The following PDZRN4 variants were observed in gnomAD, a reference collection of about 807,000 sequenced individuals.
The protein encoded by PDZRN4 is PDZ domain containing ring finger 4, also known as PDZ domain-containing RING finger protein 4.
PDZRN4 carries 70 observed loss-of-function variants against 99.0 expected under a neutral mutation model. The observed-to-expected ratio is 0.71, with a 90% CI of 0.58 to 0.86. The LOEUF is 0.86. Ranked by LOEUF, PDZRN4 falls within the 40% of genes least tolerant of loss-of-function variation. PDZRN4 has a pLI of 0.00. For synonymous variants in PDZRN4, 551 were observed against 501.6 expected, an observed-to-expected ratio of 1.10 and a Z score of -1.32; for missense variants, 1,474 against 1,331.2, an observed-to-expected ratio of 1.11 and a Z score of -1.67.
intron 5 of PDZRN4, among the ~76,000 whole-genome samples, chr12:41,533,093 T>G (rs1230351002): frequency 1.3e-5 from 2 of 152,176 alleles, no homozygotes; most frequent in Non-Finnish European, 2.9e-5. Flanking sequence ...TCTGTCATTT[T>G]TTTTTCTACA....
In PDZRN4 at chr12:41,202,050, A is replaced by G. The variant is rs531420403; in HGVS notation, c.843+7862A>G. 3.3e-5 allele frequency among the ~76,000 whole-genome samples: 5 copies of G among 152,276 alleles called. No homozygotes were observed. The South Asian group carries it at 8.3e-4, about 25-fold the overall frequency. On this transcript the variant is annotated intron_variant, in intron 3 of 9. Coordinates refer to ENST00000402685, the MANE Select transcript of PDZRN4 (RefSeq NM_001164595.2). The stretch of plus-strand genomic sequence containing the variant: ...ATGTGCAGAGAATGGCACTGGACCA[A>G]TTATGAAATTGAACAAAAACATGAT...
At chr12:41,406,621 C>T (rs1232333413) in intron 3 of PDZRN4, among the ~76,000 whole-genome samples, 9 of 152,168 alleles carry the variant, frequency 5.9e-5, no homozygotes, top group Admixed American at 5.2e-4. Flanking sequence ...AGGCCCGGCA[C>T]GGTGGCTCAC....
chr12:41,288,364 G>A (rs146480547), intron 3 of PDZRN4, among the ~76,000 whole-genome samples: 124 of 152,254 alleles, frequency 8.1e-4, no homozygotes, highest in African/African-American at 2.8e-3. Context: ...GAAGTGTTTA[G>A]ACTGGCTCCG....
chr12:41,309,554 C>T (rs1951592959), intron 3 of PDZRN4, among the ~76,000 whole-genome samples: 1 of 152,118 alleles, frequency 6.6e-6, no homozygotes, highest in South Asian at 2.1e-4. Flanking sequence ...GTTTTCAACA[C>T]ATGCTTTTTT....
intron 3 of PDZRN4, among the ~76,000 whole-genome samples, chr12:41,396,916 G>A (rs543056777): frequency 7.2e-5 from 11 of 152,086 alleles, no homozygotes; most frequent in East Asian, 1.9e-4. Flanking sequence ...TGAGAATGTC[G>A]GGTATTCAAG....
At position 41,373,360 on chromosome 12, in the gene PDZRN4, A is replaced by G. The variant is rs573734458; in HGVS notation, c.844-133096A>G. ...AATAAGCCTGGGAGCGCTACAGGAG[A>G]CTGGGGCTTATTTCATCCCTACAGC... On this transcript the variant is annotated intron_variant, in intron 3 of 9. Coordinates refer to ENST00000402685, the MANE Select transcript of PDZRN4 (RefSeq NM_001164595.2). Among the ~76,000 whole-genome samples, 4 of 152,142 alleles carry G rather than the reference A, an allele frequency of 2.6e-5. No homozygotes were observed. The East Asian group carries it at 7.8e-4, about 30-fold the overall frequency.
chr12:41,335,728 A>G (rs1394880221), intron 3 of PDZRN4, among the ~76,000 whole-genome samples: 1 of 152,110 alleles, frequency 6.6e-6, no homozygotes, highest in East Asian at 1.9e-4. Context: ...TCAGGAAAAA[A>G]CACATAGAGT....
chr12:41,370,285 T>C (rs1177781216), intron 3 of PDZRN4, among the ~76,000 whole-genome samples: 1 of 151,978 alleles, frequency 6.6e-6, no homozygotes, highest in Non-Finnish European at 1.5e-5. Context: ...AGGCAACTTC[T>C]TGCATTTTGT....
At chr12:41,557,056 C>G (rs1939179628) in intron 7 of PDZRN4, among the ~76,000 whole-genome samples, 1 of 146,778 alleles carries the variant, frequency 6.8e-6, no homozygotes, top group African/African-American at 2.5e-5. Context: ...GAGGCTGAGG[C>G]AGGAGAATCG....
At chr12:41,197,430 T>A (rs1364617968) in intron 3 of PDZRN4, among the ~76,000 whole-genome samples, 2 of 152,158 alleles carry the variant, frequency 1.3e-5, no homozygotes, top group African/African-American at 4.8e-5. Context: ...TCACATAATA[T>A]AAGGCAAGTT....
At chr12:41,196,426 C>G (rs966744083) in intron 3 of PDZRN4, among the ~76,000 whole-genome samples, 7 of 152,042 alleles carry the variant, frequency 4.6e-5, no homozygotes, top group Admixed American at 6.6e-5. Context: ...AATGTGACCA[C>G]ATTTGCAGTT....
chr12:41,466,727 T>A (rs1303605688), intron 3 of PDZRN4, among the ~76,000 whole-genome samples: 1 of 149,528 alleles, frequency 6.7e-6, no homozygotes, highest in Non-Finnish European at 1.5e-5. Flanking sequence ...CCTGGTGTTT[T>A]CACAAATCCT....
rs11180868 is a variant in PDZRN4, at chr12:41,379,013, C to G, written c.844-127443C>G. On this transcript the variant is annotated intron_variant, in intron 3 of 9. Transcript: ENST00000402685. ...AAGGTGCTATATGGTTTGGGCTTTTCTTTCTTGGGAGGCTGTTGATTACCA... is the reference window on the plus strand; with the variant it reads ...AAGGTGCTATATGGTTTGGGCTTTTGTTTCTTGGGAGGCTGTTGATTACCA... Among the ~76,000 whole-genome samples, 580 of 152,204 alleles carry G rather than the reference C, an allele frequency of 3.8e-3. 19 individuals are homozygous for G. The East Asian group carries it at 0.091, about 24-fold the overall frequency.
At chr12:41,327,206 T>A (rs542093898) in intron 3 of PDZRN4, among the ~76,000 whole-genome samples, 2 of 152,300 alleles carry the variant, frequency 1.3e-5, no homozygotes, top group Admixed American at 1.3e-4. Flanking sequence ...TTTTTTTATT[T>A]CTCTCTCCCC....
At chr12:41,379,898 CT>C (rs1269763735) in intron 3 of PDZRN4, among the ~76,000 whole-genome samples, 1 of 151,830 alleles carries the variant, frequency 6.6e-6, no homozygotes, top group African/African-American at 2.4e-5. Context: ...CCACTGTTTC[CT>C]TATTGATTTT....
At chr12:41,458,357 A>C (rs1489082524) in intron 3 of PDZRN4, among the ~76,000 whole-genome samples, 1 of 152,180 alleles carries the variant, frequency 6.6e-6, no homozygotes, top group African/African-American at 2.4e-5. Context: ...GGGTTTCACC[A>C]CATCGGCCAG....
At chr12:41,290,763 C>T (rs142999038) in intron 3 of PDZRN4, among the ~76,000 whole-genome samples, 64 of 152,082 alleles carry the variant, frequency 4.2e-4, no homozygotes, top group South Asian at 2.1e-3. Context: ...AAGGAATAAC[C>T]GGTCATTTTT....
chr12:41,450,329 TCAGTGGCCCA>T (rs1952764323), intron 3 of PDZRN4, among the ~76,000 whole-genome samples: 1 of 152,140 alleles, frequency 6.6e-6, no homozygotes, highest in South Asian at 2.1e-4. Flanking sequence ...GGAAACTAAT[TCAGTGGCCCA>T]CATATAACCT....
chr12:41,523,566 AG>A (rs1421776431), intron 5 of PDZRN4, among the ~76,000 whole-genome samples: 2 of 152,124 alleles, frequency 1.3e-5, no homozygotes, highest in African/African-American at 4.8e-5. Flanking sequence ...AGACTGTCTC[AG>A]GTACTGGGAA....
Sources: allele counts gnomAD v4.1 joint callset (sites outside exome capture counted in the v4.1 genomes callset), GRCh38; gene constraint gnomAD v4.1.1; transcripts MANE v1.5; gene names NCBI Gene and HGNC (gene_info 2026-07-23, HGNC 2026-07-21).